Variants in XKRX observed in about 807,000 individuals in gnomAD.
XKRX encodes the protein XK related X-linked, also known as XK-related protein 2.
Under a neutral mutation model 22.4 loss-of-function variants are expected in XKRX, and 11 were observed. That is an observed-to-expected ratio of 0.49 (90% CI 0.31 to 0.81). The LOEUF (loss-of-function observed/expected upper bound fraction) is 0.81. XKRX is among the 40% of genes least tolerant of loss of function. The probability of loss-of-function intolerance (pLI) is 0.05; values close to 1 mark genes in which losing one functional copy is unlikely to be tolerated. For missense variants in XKRX, 320 were observed against 336.5 expected, an observed-to-expected ratio of 0.95 and a Z score of 0.38; for synonymous variants, 114 against 132.2, an observed-to-expected ratio of 0.86 and a Z score of 0.94.
downstream of XKRX, among the ~76,000 whole-genome samples, chrX:100,911,822 T>G (rs2085408031): frequency 9.0e-6 from 1 of 111,517 alleles, no homozygotes; most frequent in African/African-American, 3.3e-5. Context: ...ACATAATGTA[T>G]CACTAGAGTC....
the XKRX span, among the ~76,000 whole-genome samples, chrX:100,899,255 CTG>C: frequency 8.8e-6 from 1 of 113,068 alleles, no homozygotes; most frequent in Non-Finnish European, 1.9e-5. Context: ...TGGCTCATGC[CTG>C]TAATCCCAGC....
At chrX:100,946,689 A>G in the XKRX span, among the ~76,000 whole-genome samples, 3 of 111,928 alleles carry the variant, frequency 2.7e-5, no homozygotes, top group East Asian at 2.8e-4. Context: ...TAGTTAAGGG[A>G]CAGTAGCTAG....
the XKRX span, among the ~76,000 whole-genome samples, chrX:100,902,904 C>T: frequency 1.8e-5 from 2 of 109,243 alleles, no homozygotes; most frequent in Non-Finnish European, 3.8e-5. Context: ...TGCCCGCCAC[C>T]ATGCCCGGCT....
Position 100,928,668 on chromosome X carries a change from C to T in XKRX, c.-364G>A, listed in dbSNP as rs1054792867. 14 of 792,839 alleles carry T rather than the reference C, an allele frequency of 1.8e-5. No individual in the cohort carries two copies. The highest frequency in any genetic ancestry group is 2.2e-5 in the African/African-American group (1 of 44,473). The allele number at this position is 792,839 out of a possible 1,213,427, so 65.3% of individuals were successfully genotyped here. A position where few individuals can be genotyped will look rare whatever the true frequency, so the allele number is the denominator to read the frequency against. ...GTCATGAGAACAGCGGCTTCCGTGG[C>T]GGCTCCTTTCGCAGCCCCTCAGGCA... On this transcript the variant is annotated 5_prime_UTR_variant, in exon 1 of 3. Coordinates refer to ENST00000372956, the MANE Select transcript of XKRX (RefSeq NM_212559.3).
At chrX:100,923,629 T>C (rs1260232063) in intron 1 of XKRX, among the ~76,000 whole-genome samples, 3 of 111,299 alleles carry the variant, frequency 2.7e-5, no homozygotes, top group Admixed American at 9.6e-5. Flanking sequence ...CGAGGAATTG[T>C]TTTGTCTTTT....
In XKRX at chrX:100,914,668, G is replaced by A. The variant is rs61740851; in HGVS notation, c.1020C>T (p.Val340=). 1,025 of 1,209,934 alleles carry A rather than the reference G, an allele frequency of 8.5e-4. 10 individuals are homozygous for A. In the African/African-American group the frequency reaches 0.016, roughly 19 times the overall value. Residue 340 remains valine (V), a synonymous_variant, in exon 3 of 3, where the codon GTC becomes GTT. Coordinates refer to ENST00000372956, the MANE Select transcript of XKRX (RefSeq NM_212559.3). ...LQLRLADRDL[V]DKGQNWGHMG... ...TATGTCCCCAGTTCTGCCCTTTGTC[G>A]ACGAGATCTCTGTCTGCCAACCTCA...
At chrX:100,921,448 T>C (rs1036876506) in intron 2 of XKRX, among the ~76,000 whole-genome samples, 9 of 111,803 alleles carry the variant, frequency 8.0e-5, no homozygotes, top group African/African-American at 2.6e-4. Flanking sequence ...CCAACAGAAC[T>C]TCAAGAACAA....
At chrX:100,930,327 TG>T (rs2085517328), upstream of XKRX, among the ~76,000 whole-genome samples, 1 of 108,028 alleles carries the variant, frequency 9.3e-6, no homozygotes, top group Non-Finnish European at 1.9e-5. Context: ...ATAATAATAA[TG>T]ATGATTATGT....
the XKRX span, among the ~76,000 whole-genome samples, chrX:100,947,483 C>G: frequency 8.9e-6 from 1 of 112,199 alleles, no homozygotes; most frequent in Non-Finnish European, 1.9e-5. Flanking sequence ...TCCTCCTCAT[C>G]AAAGGAAAGC....
the XKRX span, among the ~76,000 whole-genome samples, chrX:100,958,350 C>CG: frequency 8.8e-4 from 99 of 112,159 alleles, no homozygotes; most frequent in Non-Finnish European, 1.7e-3. Flanking sequence ...AGTTTATGTG[C>CG]GCCAGCTACA....
the XKRX span, chrX:100,887,993 G>A: frequency 9.2e-7 from 1 of 1,085,080 alleles, no homozygotes; most frequent in Non-Finnish European, 1.3e-6. Flanking sequence ...CACCACCAAA[G>A]TTTCCAGAAC....
the XKRX span, among the ~76,000 whole-genome samples, chrX:100,949,604 G>A: frequency 2.9e-4 from 32 of 110,656 alleles, no homozygotes; most frequent in Admixed American, 7.8e-4. Context: ...CTGACCTCAG[G>A]TGATCTGCCC....
the XKRX span, among the ~76,000 whole-genome samples, chrX:100,954,698 T>C: frequency 8.9e-6 from 1 of 112,449 alleles, no homozygotes; most frequent in African/African-American, 3.2e-5. Context: ...ATAAACATAA[T>C]GTGGTATATC....
chrX:100,907,871 A>G, the XKRX span, among the ~76,000 whole-genome samples: 1 of 89,940 alleles, frequency 1.1e-5, no homozygotes, highest in East Asian at 3.4e-4. Context: ...CACTAGTTAT[A>G]TGGAATTCAT....
the XKRX span, among the ~76,000 whole-genome samples, chrX:100,938,474 TA>T: frequency 9.1e-5 from 10 of 110,424 alleles, no homozygotes; most frequent in East Asian, 2.8e-3. Flanking sequence ...ACTAAAAACG[TA>T]AAAATTAGCC....
In XKRX at chrX:100,928,381, C is replaced by A; in HGVS notation, c.-77G>T. 1 of 1,164,390 alleles carries A rather than the reference C, an allele frequency of 8.6e-7. No homozygotes were observed. Among genetic ancestry groups the A allele is most frequent in the South Asian group, 2.1e-5 (1 of 48,434 alleles). ...CCCATCCCCAAGAGAACCCTATGGC[C>A]GCTACAGTCCAAGTATAGGTGAGGA... On this transcript the variant is annotated 5_prime_UTR_variant, in exon 1 of 3. Coordinates refer to ENST00000372956, the MANE Select transcript of XKRX (RefSeq NM_212559.3).
At chrX:100,927,570 T>C (rs1245588657) in intron 1 of XKRX, among the ~76,000 whole-genome samples, 1 of 110,917 alleles carries the variant, frequency 9.0e-6, no homozygotes, top group Non-Finnish European at 1.9e-5. Context: ...TCCCAGGAGA[T>C]CAAGGCTGCA....
chrX:100,918,041 G>A (rs1373373883), intron 2 of XKRX, among the ~76,000 whole-genome samples: 1 of 111,461 alleles, frequency 9.0e-6, no homozygotes, highest in Non-Finnish European at 1.9e-5. Context: ...TTATGTCAAA[G>A]GATGCTGATT....
At chrX:100,939,130 A>C in the XKRX span, among the ~76,000 whole-genome samples, 4 of 111,779 alleles carry the variant, frequency 3.6e-5, no homozygotes, top group Non-Finnish European at 7.5e-5. Flanking sequence ...ATAAAGAAAA[A>C]ATATAAGGTT....
Sources: allele counts gnomAD v4.1 joint callset (sites outside exome capture counted in the v4.1 genomes callset), GRCh38; gene constraint gnomAD v4.1.1; transcripts MANE v1.5; gene names NCBI Gene and HGNC (gene_info 2026-07-23, HGNC 2026-07-21).